Variants in HMGXB4 observed in about 807,000 individuals in gnomAD.
HMGXB4 encodes the protein HMG domain-containing protein 4.
HMGXB4 carries 27 observed loss-of-function variants against 63.9 expected under a neutral mutation model. The ratio of observed to expected loss-of-function variants is 0.42; its 90% CI spans 0.31 to 0.58. HMGXB4 has a LOEUF of 0.58. Ranked by LOEUF, HMGXB4 falls within the 20% of genes least tolerant of loss-of-function variation. The probability of loss-of-function intolerance (pLI) is 0.13; values close to 1 mark genes in which losing one functional copy is unlikely to be tolerated. For missense variants in HMGXB4, 624 were observed against 700.7 expected (o/e 0.89, Z 1.24); for synonymous variants, 264 against 265.3 (o/e 0.99, Z 0.05).
intron 9 of HMGXB4, among the ~76,000 whole-genome samples, chr22:35,291,938 G>A (rs1033721663): frequency 6.6e-6 from 1 of 152,182 alleles, no homozygotes; most frequent in Admixed American, 6.5e-5. Flanking sequence ...ATGAGGGAAA[G>A]GAAGAGTCAG....
At chr22:35,252,044 G>A in the HMGXB4 span, among the ~76,000 whole-genome samples, 5 of 151,992 alleles carry the variant, frequency 3.3e-5, no homozygotes, top group African/African-American at 7.3e-5. Context: ...GTGAAACCCC[G>A]ACTCTATTAA....
chr22:35,258,556 A>T (rs1011317199), intron 1 of HMGXB4: 2 of 152,288 alleles, frequency 1.3e-5, no homozygotes, highest in African/African-American at 4.8e-5. Context: ...GACTGTCGGG[A>T]TCTCTGCAGC....
At chr22:35,246,124 A>T in the HMGXB4 span, among the ~76,000 whole-genome samples, 28 of 152,192 alleles carry the variant, frequency 1.8e-4, no homozygotes, top group Admixed American at 1.7e-3. Context: ...ACCTTCCCTG[A>T]CACCACCTGG....
At chr22:35,263,301 T>TG in intron 3 of HMGXB4, 75 bp downstream of exon 3, 1 of 544,138 alleles carries the variant, frequency 1.8e-6, no homozygotes, top group Non-Finnish European at 2.6e-6. Context: ...TTTTTTTTTG[T>TG]TTTTTTTTTT....
upstream of HMGXB4, among the ~76,000 whole-genome samples, chr22:35,255,523 CA>C (rs1461052526): frequency 6.6e-6 from 1 of 152,102 alleles, no homozygotes; most frequent in African/African-American, 2.4e-5. Context: ...TCAAAACAAA[CA>C]AACAAAACCT....
chr22:35,290,580 G>T (rs969603461), intron 9 of HMGXB4, among the ~76,000 whole-genome samples: 9 of 144,586 alleles, frequency 6.2e-5, no homozygotes, highest in Admixed American at 1.4e-4. Context: ...GCAGTGAGCC[G>T]AGATTGCGCC....
intron 5 of HMGXB4, among the ~76,000 whole-genome samples, chr22:35,276,951 A>G (rs1329995770): frequency 2.0e-5 from 3 of 152,236 alleles, no homozygotes; most frequent in Admixed American, 6.5e-5. Context: ...TTTGGGTGCC[A>G]CAACTTCTAT....
At chr22:35,280,586 GTTC>G (rs1413157971) in intron 5 of HMGXB4, among the ~76,000 whole-genome samples, 1 of 152,072 alleles carries the variant, frequency 6.6e-6, no homozygotes, top group East Asian at 1.9e-4. Context: ...CTTTGCTCTT[GTTC>G]TTCTCCAGTT....
chr22:35,254,570 G>A (rs1272671462), upstream of HMGXB4, among the ~76,000 whole-genome samples: 1 of 152,082 alleles, frequency 6.6e-6, no homozygotes, highest in African/African-American at 2.4e-5. Flanking sequence ...AGCCAACCTG[G>A]CATTATTTTC....
At chr22:35,275,502 T>C (rs1335790990) in intron 5 of HMGXB4, among the ~76,000 whole-genome samples, 1 of 152,220 alleles carries the variant, frequency 6.6e-6, no homozygotes, top group Non-Finnish European at 1.5e-5. Flanking sequence ...GGTCTTAAAC[T>C]AGAGTTATGA....
At chr22:35,249,242 AG>A in the HMGXB4 span, among the ~76,000 whole-genome samples, 4 of 77,400 alleles carry the variant, frequency 5.2e-5, 2 homozygotes, top group Non-Finnish European at 1.6e-4. Context: ...TATTTTTAGT[AG>A]AAACGGGATT....
At chr22:35,268,426 C>T (rs1238791662) in intron 5 of HMGXB4, among the ~76,000 whole-genome samples, 2 of 152,214 alleles carry the variant, frequency 1.3e-5, no homozygotes, top group African/African-American at 4.8e-5. Context: ...GGCCTCATTC[C>T]CTTCTACACT....
In HMGXB4 at chr22:35,265,466, T is replaced by C. The variant is rs774159141; in HGVS notation, c.1078T>C (p.Ser360Pro). 1.2e-6 allele frequency: 2 copies of C among 1,613,972 alleles called. No individual in the cohort carries two copies. The highest frequency in any genetic ancestry group is 1.7e-6 in the Non-Finnish European group (2 of 1,180,020). The change falls in exon 5 of 11, where the codon TCT becomes CCT. Residue 360 changes from serine to proline, a missense_variant. Transcript: ENST00000216106. ...GCCAGTGGGAGAGGTCACAGTGACATCTGGCCCTCCTCCCAGCATCCCATA... is the reference window on the plus strand; with the variant it reads ...GCCAGTGGGAGAGGTCACAGTGACACCTGGCCCTCCTCCCAGCATCCCATA... ...AVPVGEVTVT[S>P]GPPPSIPYAG...
chr22:35,287,374 C>T lies in HMGXB4; in HGVS notation c.1390C>T (p.Gln464Ter). Reference protein sequence around the residue: ...LIWKQKAQYLQHKQNKAEATT... With the variant: ...LIWKQKAQYL ...TTGGAAGCAAAAAGCTCAGTATCTG[C>T]AGCACAAACAGAACAAAGCAGAAGC... The change falls in exon 8 of 11, where the codon CAG (glutamine) becomes TAG (stop). Residue 464 changes from glutamine (Q) to a stop codon, truncating the protein, a stop_gained. Coordinates refer to ENST00000216106, the MANE Select transcript of HMGXB4 (RefSeq NM_001003681.3). LOFTEE classifies it high-confidence loss of function. 3 of 1,613,292 alleles carry T rather than the reference C, an allele frequency of 1.9e-6. No individual in the cohort carries two copies. Among genetic ancestry groups the T allele is most frequent in the Non-Finnish European group, 2.5e-6 (3 of 1,179,486 alleles).
chr22:35,282,352 A>G (rs1002250286), intron 5 of HMGXB4, among the ~76,000 whole-genome samples: 5 of 151,964 alleles, frequency 3.3e-5, no homozygotes, highest in Admixed American at 1.3e-4. Flanking sequence ...AATTTTTTAT[A>G]TTTTTAGTAG....
intron 8 of HMGXB4, among the ~76,000 whole-genome samples, chr22:35,287,729 A>G (rs1307648288): frequency 1.3e-5 from 2 of 151,838 alleles, no homozygotes; most frequent in Non-Finnish European, 2.9e-5. Flanking sequence ...TGGGCGGATC[A>G]CCTGAGGTCA....
chr22:35,287,747 G>A (rs976750903), intron 8 of HMGXB4, among the ~76,000 whole-genome samples: 3 of 152,058 alleles, frequency 2.0e-5, no homozygotes, highest in Non-Finnish European at 4.4e-5. Context: ...TCAGGAGTTC[G>A]ACACCAGCCT....
intron 7 of HMGXB4, 65 bp from the exon 8 acceptor site, chr22:35,287,282 G>T: frequency 3.1e-6 from 4 of 1,274,568 alleles, no homozygotes; most frequent in Middle Eastern, 1.8e-4. Flanking sequence ...GTTCTTTCAT[G>T]ACTGCTTTTC....
At chr22:35,272,923 C>T (rs1449574733) in intron 5 of HMGXB4, among the ~76,000 whole-genome samples, 1 of 152,214 alleles carries the variant, frequency 6.6e-6, no homozygotes, top group Non-Finnish European at 1.5e-5. Flanking sequence ...AACAGCGAGA[C>T]TGTGTCTCAA....
Sources: gnomAD v4.1 joint callset for allele counts (sites outside exome capture counted in the v4.1 genomes callset) on GRCh38, gnomAD v4.1.1 for gene constraint, MANE v1.5 for transcripts, NCBI Gene and HGNC (gene_info 2026-07-23, HGNC 2026-07-21) for gene names.